SLC1A2: variants seen among roughly 807,000 people sequenced by gnomAD.
SLC1A2 encodes solute carrier family 1 member 2.
In SLC1A2, 15 loss-of-function variants were observed where a neutral mutation model predicts 48.8. The ratio of observed to expected loss-of-function variants is 0.31; its 90% CI spans 0.21 to 0.47. The LOEUF is 0.47. SLC1A2 is among the 20% of genes least tolerant of loss of function. The probability of loss-of-function intolerance (pLI) is 0.99; values close to 1 mark genes in which losing one functional copy is unlikely to be tolerated. For synonymous variants in SLC1A2, 279 were observed against 272.6 expected (o/e 1.02, Z -0.23); for missense variants, 502 against 730.5 (o/e 0.69, Z 3.61).
At chr11:35,266,205 A>G (rs1950481825) in intron 9 of SLC1A2, among the ~76,000 whole-genome samples, 1 of 152,180 alleles carries the variant, frequency 6.6e-6, no homozygotes, top group African/African-American at 2.4e-5. Flanking sequence ...TGCTTATCTT[A>G]CTTATTTGTT....
In SLC1A2 at chr11:35,407,913, T is replaced by G. The variant is rs56281631; in HGVS notation, c.17+11037A>C. ...CTGTGTGCGGGTGAGCTCCCTTACA[T>G]CTGTAATACAAATAGCACTCCATAA... On this transcript the variant is annotated intron_variant, in intron 1 of 10. Transcript: ENST00000278379. Among the ~76,000 whole-genome samples the G allele has an allele frequency of 2.7e-3, 412 of 152,318 alleles. 2 individuals carry two copies. Among genetic ancestry groups the G allele is most frequent in the African/African-American group, 9.2e-3 (381 of 41,560 alleles).
chr11:35,326,742 A>T (rs1852264899), intron 1 of SLC1A2, among the ~76,000 whole-genome samples: 1 of 152,208 alleles, frequency 6.6e-6, no homozygotes, highest in Admixed American at 6.5e-5. Flanking sequence ...GATGATGTTT[A>T]AGAGCTTCCT....
intron 1 of SLC1A2, among the ~76,000 whole-genome samples, chr11:35,367,744 T>C (rs4559666): frequency 0.82 from 124,293 of 152,204 alleles, 51,222 homozygotes; most frequent in East Asian, 0.94. Context: ...GTTCAGCCTC[T>C]GCTATTTTTG....
rs938507241 is a variant in SLC1A2 at position 35,251,763 on chromosome 11, G to GC, written c.*9130dup. Reference sequence around the variant, plus strand: ...GCCACTGCAAATTAATGTGCTTCATGCCCCCTGATGATATTGTAGGCTTTA... The same window carrying GC: ...GCCACTGCAAATTAATGTGCTTCATGCCCCCCTGATGATATTGTAGGCTTTA... On this transcript the variant is annotated 3_prime_UTR_variant, in exon 11 of 11. Coordinates refer to ENST00000278379, the MANE Select transcript of SLC1A2 (RefSeq NM_004171.4). 2.0e-5 allele frequency: 3 copies of GC among 152,592 alleles called. No individual in the cohort carries two copies. Among genetic ancestry groups the GC allele is most frequent in the African/African-American group, 7.2e-5 (3 of 41,442 alleles). The allele number at this position is 152,592 out of a possible 1,614,324, so 9.5% of individuals were successfully genotyped here. A position where few individuals can be genotyped will look rare whatever the true frequency, so the allele number is the denominator to read the frequency against.
chr11:35,351,310 A>T lies in SLC1A2; in HGVS notation c.18-33794T>A, dbSNP rs1168059499. Among the ~76,000 whole-genome samples the T allele has an allele frequency of 2.0e-5, 3 of 151,948 alleles. No homozygotes were observed. The East Asian group carries it at 5.8e-4, about 29-fold the overall frequency. On this transcript the variant is annotated intron_variant, in intron 1 of 10. Coordinates refer to ENST00000278379, the MANE Select transcript of SLC1A2 (RefSeq NM_004171.4). ...TAATGCTCTCCCCAGTGAACTTCCC[A>T]CTCCTTCTCTGCCTCCCAAAATGAC...
At chr11:35,384,894 T>C (rs552666169) in intron 1 of SLC1A2, among the ~76,000 whole-genome samples, 5 of 151,474 alleles carry the variant, frequency 3.3e-5, no homozygotes, top group South Asian at 4.2e-4. Flanking sequence ...GGTCTCAGAG[T>C]CTCAGTGCAA....
rs1043101 is a variant in SLC1A2 at position 35,253,282 on chromosome 11, A to T, written c.*7612T>A. 17 of 152,460 alleles carry T rather than the reference A, an allele frequency of 1.1e-4. No homozygotes were observed. Among genetic ancestry groups the T allele is most frequent in the African/African-American group, 2.9e-4 (12 of 41,504 alleles). The allele number at this position is 152,460 out of a possible 1,614,324, so 9.4% of individuals were successfully genotyped here. On this transcript the variant is annotated 3_prime_UTR_variant, in exon 11 of 11. Coordinates refer to ENST00000278379, the MANE Select transcript of SLC1A2 (RefSeq NM_004171.4). ...TTTTTTGTAAACTTTCTTTAAAAATATGTGCTCAATTCACATAACAATGTG... is the reference window on the plus strand; with the variant it reads ...TTTTTTGTAAACTTTCTTTAAAAATTTGTGCTCAATTCACATAACAATGTG...
intron 8 of SLC1A2, among the ~76,000 whole-genome samples, chr11:35,282,318 C>A (rs1051974086): frequency 6.6e-6 from 1 of 152,254 alleles, no homozygotes. Flanking sequence ...AGTTGAACAA[C>A]CTGAGTTCAA....
At chr11:35,367,127 A>T (rs1219562508) in intron 1 of SLC1A2, among the ~76,000 whole-genome samples, 1 of 152,200 alleles carries the variant, frequency 6.6e-6, no homozygotes, top group African/African-American at 2.4e-5. Flanking sequence ...GAGTTTGGAG[A>T]CAGTTGTTTA....
At position 35,339,728 on chromosome 11, in the gene SLC1A2, C is replaced by T. The variant is rs149756507; in HGVS notation, c.18-22212G>A. On this transcript the variant is annotated intron_variant, in intron 1 of 10. Coordinates refer to ENST00000278379, the MANE Select transcript of SLC1A2 (RefSeq NM_004171.4). The stretch of plus-strand genomic sequence containing the variant: ...TGGACACACAGAAGATTGATAAGCA[C>T]AAATATATACATGTATAATTGTATA... Among the ~76,000 whole-genome samples, 855 of 152,160 alleles carry T rather than the reference C, an allele frequency of 5.6e-3. 12 individuals are homozygous for T. The highest frequency in any genetic ancestry group is 0.02 in the African/African-American group (814 of 41,504).
At position 35,257,196 on chromosome 11, in the gene SLC1A2, A is replaced by C. The variant is rs1281353614; in HGVS notation, c.*3698T>G. 1.3e-5 allele frequency: 2 copies of C among 152,056 alleles called. No homozygotes were observed. Among genetic ancestry groups the C allele is most frequent in the Non-Finnish European group, 2.9e-5 (2 of 68,004 alleles). The allele number at this position is 152,056 out of a possible 1,614,324, so 9.4% of individuals were successfully genotyped here. A position where few individuals can be genotyped will look rare whatever the true frequency, so the allele number is the denominator to read the frequency against. ...CACACACAAGTGGAAATGACCAGAGACCCTCTAATCAACAGGTCATTGAGA... is the reference window on the plus strand; with the variant it reads ...CACACACAAGTGGAAATGACCAGAGCCCCTCTAATCAACAGGTCATTGAGA... On this transcript the variant is annotated 3_prime_UTR_variant, in exon 11 of 11. Coordinates refer to ENST00000278379, the MANE Select transcript of SLC1A2 (RefSeq NM_004171.4).
chr11:35,262,148 A>G (rs1386802531), intron 10 of SLC1A2, among the ~76,000 whole-genome samples: 4 of 152,222 alleles, frequency 2.6e-5, no homozygotes, highest in Admixed American at 6.5e-5. Context: ...CCTTTCAGTG[A>G]ACTGTCAAGA....
chr11:35,321,523 C>A (rs1392804969), intron 1 of SLC1A2, among the ~76,000 whole-genome samples: 2 of 152,082 alleles, frequency 1.3e-5, no homozygotes, highest in Admixed American at 1.3e-4. Flanking sequence ...AAAGCTCCCA[C>A]CCAGATGCAC....
intron 1 of SLC1A2, among the ~76,000 whole-genome samples, chr11:35,333,014 G>T (rs947492053): frequency 6.6e-6 from 1 of 152,138 alleles, no homozygotes; most frequent in Non-Finnish European, 1.5e-5. Flanking sequence ...CTGTTCCTCA[G>T]GTTGGCTCCC....
At chr11:35,381,533 C>T (rs1022675472) in intron 1 of SLC1A2, among the ~76,000 whole-genome samples, 1 of 152,074 alleles carries the variant, frequency 6.6e-6, no homozygotes, top group African/African-American at 2.4e-5. Context: ...CCATAAAGAT[C>T]ACCCCTTCTT....
chr11:35,306,644 T>C (rs979814500), intron 4 of SLC1A2, among the ~76,000 whole-genome samples: 17 of 152,220 alleles, frequency 1.1e-4, no homozygotes, highest in African/African-American at 3.9e-4. Flanking sequence ...TATCTTTCTG[T>C]ATGTTTGTAC....
chr11:35,299,165 C>G (rs1851263962), intron 6 of SLC1A2: 1 of 152,154 alleles, frequency 6.6e-6, no homozygotes, highest in East Asian at 1.9e-4. Flanking sequence ...TGGTGAAACC[C>G]TATCTCTACT....
At chr11:35,377,123 C>T (rs1854263017) in intron 1 of SLC1A2, among the ~76,000 whole-genome samples, 1 of 152,176 alleles carries the variant, frequency 6.6e-6, no homozygotes, top group South Asian at 2.1e-4. Context: ...CCCATTAACT[C>T]ATTTAGCGCT....
At chr11:35,342,739 T>C (rs1401862511) in intron 1 of SLC1A2, among the ~76,000 whole-genome samples, 1 of 152,064 alleles carries the variant, frequency 6.6e-6, no homozygotes, top group Non-Finnish European at 1.5e-5. Flanking sequence ...TGACCAGTGA[T>C]CACTCCCCTG....
Sources: gnomAD v4.1 joint callset for allele counts (sites outside exome capture counted in the v4.1 genomes callset) on GRCh38, gnomAD v4.1.1 for gene constraint, MANE v1.5 for transcripts, NCBI Gene and HGNC (gene_info 2026-07-23, HGNC 2026-07-21) for gene names.